RANBP17: variants seen among roughly 807,000 people sequenced by gnomAD.
The protein encoded by RANBP17 is RAN binding protein 17.
Under a neutral mutation model 141.2 loss-of-function variants are expected in RANBP17, and 158 were observed. That is an observed-to-expected ratio of 1.12 (90% CI 0.98 to 1.28). The LOEUF (loss-of-function observed/expected upper bound fraction) is 1.28. Ranked by LOEUF, RANBP17 falls within the 50% of genes most tolerant of loss-of-function variation. RANBP17 has a pLI of 0.00. For synonymous variants in RANBP17, 430 were observed against 450.0 expected, an observed-to-expected ratio of 0.96 and a Z score of 0.56; for missense variants, 1,438 against 1,290.7, an observed-to-expected ratio of 1.11 and a Z score of -1.75.
At chr5:171,048,786 T>C (rs1307953091) in intron 14 of RANBP17, among the ~76,000 whole-genome samples, 1 of 152,202 alleles carries the variant, frequency 6.6e-6, no homozygotes, top group East Asian at 1.9e-4. Context: ...CAAGATCCAT[T>C]CATGTTGCTG....
chr5:171,154,038 A>G (rs910402331), intron 14 of RANBP17, among the ~76,000 whole-genome samples: 2 of 151,998 alleles, frequency 1.3e-5, no homozygotes, highest in African/African-American at 2.4e-5. Context: ...AAAAAAATAA[A>G]TAAATAAATA....
chr5:170,984,855 ATTAT>A (rs1189042020), intron 14 of RANBP17, among the ~76,000 whole-genome samples: 1 of 152,144 alleles, frequency 6.6e-6, no homozygotes, highest in Non-Finnish European at 1.5e-5. Flanking sequence ...AATTTTAAGT[ATTAT>A]TTTTTATATT....
intron 27 of RANBP17, among the ~76,000 whole-genome samples, chr5:171,296,828 A>T (rs937969065): frequency 3.9e-5 from 6 of 152,210 alleles, no homozygotes; most frequent in African/African-American, 1.4e-4. Flanking sequence ...TAGGAGAATC[A>T]CTTGAACCTG....
At chr5:171,079,387 A>G (rs1451026873) in intron 14 of RANBP17, among the ~76,000 whole-genome samples, 1 of 152,246 alleles carries the variant, frequency 6.6e-6, no homozygotes, top group Admixed American at 6.5e-5. Flanking sequence ...AGAAAATTAC[A>G]TAACATTAGT....
chr5:170,946,453 T>C (rs1370011814), intron 12 of RANBP17, among the ~76,000 whole-genome samples: 5 of 152,240 alleles, frequency 3.3e-5, no homozygotes, highest in Admixed American at 2.6e-4. Context: ...CTACACACAA[T>C]TGGAGCATAG....
chr5:170,951,242 C>T (rs922376684), intron 12 of RANBP17, among the ~76,000 whole-genome samples: 4 of 152,042 alleles, frequency 2.6e-5, no homozygotes. Flanking sequence ...ATTCTCAACA[C>T]AGAAATGGTG....
At chr5:171,204,420 A>G (rs1207365533) in intron 19 of RANBP17, among the ~76,000 whole-genome samples, 2 of 152,192 alleles carry the variant, frequency 1.3e-5, no homozygotes, top group Non-Finnish European at 2.9e-5. Context: ...CTGTTTGCTT[A>G]ATAATAATTT....
intron 14 of RANBP17, among the ~76,000 whole-genome samples, chr5:171,057,093 A>T (rs996944911): frequency 6.6e-6 from 1 of 152,194 alleles, no homozygotes; most frequent in Non-Finnish European, 1.5e-5. Context: ...GATTCATATA[A>T]ACCTTTTATA....
intron 12 of RANBP17, among the ~76,000 whole-genome samples, chr5:170,944,901 T>G (rs1393823608): frequency 6.6e-6 from 1 of 152,242 alleles, no homozygotes; most frequent in Non-Finnish European, 1.5e-5. Context: ...TTAGATACTT[T>G]ACTCATTCTG....
Position 171,037,658 on chromosome 5 carries a change from C to G in RANBP17, c.1710+69281C>G, listed in dbSNP as rs1264063000. ...ATATAGCTAGCCAACTATCCCAGAA[C>G]CACTTATTCAATAGGAAGTCCTTTC... On this transcript the variant is annotated intron_variant, in intron 14 of 27. Transcript: ENST00000523189. Among the ~76,000 whole-genome samples the G allele has an allele frequency of 3.9e-5, 6 of 152,272 alleles. No individual in the cohort carries two copies. In the South Asian group the frequency reaches 1.0e-3, roughly 26 times the overall value.
intron 18 of RANBP17, among the ~76,000 whole-genome samples, chr5:171,187,568 A>T (rs1035871865): frequency 5.3e-5 from 8 of 152,356 alleles, no homozygotes; most frequent in African/African-American, 1.9e-4. Flanking sequence ...AAAAATAATT[A>T]AAAATGCTAA....
intron 5 of RANBP17, among the ~76,000 whole-genome samples, chr5:170,902,645 A>G (rs1770740723): frequency 6.6e-6 from 1 of 152,140 alleles, no homozygotes; most frequent in South Asian, 2.1e-4. Flanking sequence ...GTTTTTCCTC[A>G]TCTTCGTGGA....
At chr5:171,236,109 G>T (rs1448264255) in intron 22 of RANBP17, among the ~76,000 whole-genome samples, 2 of 152,128 alleles carry the variant, frequency 1.3e-5, no homozygotes, top group African/African-American at 4.8e-5. Context: ...CTGGTTTGCA[G>T]AGAGACAAGA....
At chr5:170,866,552 G>A (rs974979884) in intron 1 of RANBP17, among the ~76,000 whole-genome samples, 2 of 152,124 alleles carry the variant, frequency 1.3e-5, no homozygotes, top group Non-Finnish European at 2.9e-5. Flanking sequence ...GCGGGTGCCT[G>A]TATTCCCAGC....
chr5:171,142,043 G>A (rs1401661045), intron 14 of RANBP17, among the ~76,000 whole-genome samples: 1 of 152,172 alleles, frequency 6.6e-6, no homozygotes, highest in Non-Finnish European at 1.5e-5. Flanking sequence ...AGCAGATACA[G>A]ATTGCTTGAA....
chr5:171,100,833 A>G (rs1307400430), intron 14 of RANBP17, among the ~76,000 whole-genome samples: 1 of 152,104 alleles, frequency 6.6e-6, no homozygotes, highest in African/African-American at 2.4e-5. Flanking sequence ...GAACTTACTT[A>G]TTTCTGCCTT....
chr5:170,896,306 A>G, intron 5 of RANBP17, 191 bp downstream of exon 5: 1 of 562,568 alleles, frequency 1.8e-6, no homozygotes, highest in Non-Finnish European at 3.1e-6. Flanking sequence ...ATTGTTATTG[A>G]AGATATCTGC....
At chr5:170,962,384 AT>A (rs1776217459) in intron 13 of RANBP17, among the ~76,000 whole-genome samples, 2 of 152,318 alleles carry the variant, frequency 1.3e-5, no homozygotes, top group South Asian at 4.1e-4. Context: ...TTTGTTCCAC[AT>A]CTTCTTTGAA....
chr5:171,117,340 C>G (rs1041688151), intron 14 of RANBP17, among the ~76,000 whole-genome samples: 1 of 151,838 alleles, frequency 6.6e-6, no homozygotes, highest in Non-Finnish European at 1.5e-5. Flanking sequence ...TTTTTTTGCT[C>G]TTTTTGATAA....
Sources: gnomAD v4.1 joint callset for allele counts (sites outside exome capture counted in the v4.1 genomes callset) on GRCh38, gnomAD v4.1.1 for gene constraint, MANE v1.5 for transcripts, NCBI Gene and HGNC (gene_info 2026-07-23, HGNC 2026-07-21) for gene names.